Variants in HMGCLL1 observed in about 807,000 individuals in gnomAD.
HMGCLL1 encodes 3-hydroxymethyl-3-methylglutaryl-CoA lyase, cytoplasmic.
A neutral mutation model predicts 39.1 loss-of-function variants in HMGCLL1; 36 were observed. The observed-to-expected ratio is 0.92, with a 90% CI of 0.71 to 1.22. The LOEUF is 1.22. Ranked by LOEUF, HMGCLL1 falls within the 50% of genes most tolerant of loss-of-function variation. The pLI, the probability that HMGCLL1 is intolerant of heterozygous loss-of-function variation, is 0.00. For missense variants in HMGCLL1, 451 were observed against 416.5 expected, an observed-to-expected ratio of 1.08 and a Z score of -0.72; for synonymous variants, 149 against 144.0, an observed-to-expected ratio of 1.03 and a Z score of -0.25.
chr6:55,499,792 C>A (rs1303099021), intron 5 of HMGCLL1, among the ~76,000 whole-genome samples: 1 of 151,920 alleles, frequency 6.6e-6, no homozygotes. Context: ...CTGGGCATAG[C>A]CTCAGAGTTC....
intron 7 of HMGCLL1, among the ~76,000 whole-genome samples, chr6:55,479,058 A>G (rs1409193989): frequency 6.6e-6 from 1 of 151,550 alleles, no homozygotes; most frequent in Non-Finnish European, 1.5e-5. Context: ...AGTAGTTTTA[A>G]TCTTAAACAA....
At chr6:55,645,848 G>A in the HMGCLL1 span, among the ~76,000 whole-genome samples, 2 of 151,466 alleles carry the variant, frequency 1.3e-5, no homozygotes, top group African/African-American at 4.8e-5. Flanking sequence ...ATATTGGTTT[G>A]TAGTTTTTTT....
At chr6:55,521,086 C>T (rs548842933) in intron 3 of HMGCLL1, among the ~76,000 whole-genome samples, 18 of 152,052 alleles carry the variant, frequency 1.2e-4, no homozygotes, top group Non-Finnish European at 2.5e-4. Flanking sequence ...ATAGTTCACA[C>T]TATACACATT....
rs796789697 is a variant in HMGCLL1 at position 55,511,822 on chromosome 6, A to C, written c.542+2226T>G. Among the ~76,000 whole-genome samples, 10 of 152,264 alleles carry C rather than the reference A, an allele frequency of 6.6e-5. 1 individual carries two copies. Among genetic ancestry groups the C allele is most frequent in the African/African-American group, 2.4e-4 (10 of 41,584 alleles). ...ACTACACAAATAGCTGCTGAACTCT[A>C]ATACTGAAAGGCATATTTCTGAAAA... On this transcript the variant is annotated intron_variant, in intron 5 of 8. Coordinates refer to ENST00000274901, the MANE Select transcript of HMGCLL1 (RefSeq NM_001042406.2).
At chr6:55,451,564 CA>C (rs1157513790) in intron 7 of HMGCLL1, among the ~76,000 whole-genome samples, 2 of 118,524 alleles carry the variant, frequency 1.7e-5, no homozygotes, top group African/African-American at 6.6e-5. Context: ...AAAACAAAAA[CA>C]AAAACAAAAA....
At chr6:55,473,940 T>C (rs1236640241) in intron 7 of HMGCLL1, among the ~76,000 whole-genome samples, 1 of 151,552 alleles carries the variant, frequency 6.6e-6, no homozygotes, top group Non-Finnish European at 1.5e-5. Context: ...TACTTTCTAG[T>C]TGCTTTTGTG....
intron 1 of HMGCLL1, among the ~76,000 whole-genome samples, chr6:55,573,590 G>A (rs1404223099): frequency 6.6e-6 from 1 of 151,910 alleles, no homozygotes; most frequent in Non-Finnish European, 1.5e-5. Flanking sequence ...CAAAGCTGAA[G>A]AAGAAATTAC....
At chr6:55,676,888 GA>G in the HMGCLL1 span, among the ~76,000 whole-genome samples, 1 of 152,216 alleles carries the variant, frequency 6.6e-6, no homozygotes, top group African/African-American at 2.4e-5. Context: ...CGCATGCGGG[GA>G]AAAATACTTT....
At chr6:55,669,856 T>C in the HMGCLL1 span, among the ~76,000 whole-genome samples, 3 of 151,696 alleles carry the variant, frequency 2.0e-5, no homozygotes, top group Non-Finnish European at 4.4e-5. Flanking sequence ...CTCAAGGAAA[T>C]GTGGAGCAAC....
intron 4 of HMGCLL1, among the ~76,000 whole-genome samples, chr6:55,515,953 G>A (rs1027134224): frequency 2.6e-5 from 4 of 151,800 alleles, no homozygotes; most frequent in Non-Finnish European, 5.9e-5. Context: ...AAATTGAAGA[G>A]GATAGTCTCA....
chr6:55,638,143 G>A, the HMGCLL1 span, among the ~76,000 whole-genome samples: 12 of 151,964 alleles, frequency 7.9e-5, no homozygotes, highest in African/African-American at 2.4e-4. Context: ...ATAGCTGGGC[G>A]TGGTGTAATC....
chr6:55,567,655 A>G (rs1486865380), intron 1 of HMGCLL1, among the ~76,000 whole-genome samples: 1 of 152,218 alleles, frequency 6.6e-6, no homozygotes, highest in African/African-American at 2.4e-5. Context: ...ATCTAAATAA[A>G]CAGCAGAATG....
upstream of HMGCLL1, among the ~76,000 whole-genome samples, chr6:55,579,853 C>T (rs1771940686): frequency 6.6e-6 from 1 of 152,184 alleles, no homozygotes; most frequent in Non-Finnish European, 1.5e-5. Context: ...GAATTGGAGA[C>T]ATTTTTAGTG....
intron 7 of HMGCLL1, among the ~76,000 whole-genome samples, chr6:55,455,722 C>T (rs1561890783): frequency 1.3e-5 from 2 of 152,266 alleles, no homozygotes; most frequent in East Asian, 1.9e-4. Flanking sequence ...CCATTTAATG[C>T]TGCCCAAACA....
the HMGCLL1 span, among the ~76,000 whole-genome samples, chr6:55,650,076 T>TATATAC: frequency 0.019 from 1,825 of 97,050 alleles, 132 homozygotes; most frequent in African/African-American, 0.067. Flanking sequence ...TATATATATA[T>TATATAC]ACACACACAT....
intron 7 of HMGCLL1, among the ~76,000 whole-genome samples, chr6:55,478,315 C>T (rs1581833470): frequency 6.6e-6 from 1 of 151,238 alleles, no homozygotes; most frequent in East Asian, 1.9e-4. Context: ...CAAAGTTCTA[C>T]CGAAAATCAA....
chr6:55,643,509 T>C, the HMGCLL1 span, among the ~76,000 whole-genome samples: 6 of 152,138 alleles, frequency 3.9e-5, no homozygotes, highest in African/African-American at 9.6e-5. Context: ...TAAATTATTA[T>C]TGATTATAGT....
At chr6:55,594,441 G>A in the HMGCLL1 span, among the ~76,000 whole-genome samples, 1 of 152,148 alleles carries the variant, frequency 6.6e-6, no homozygotes, top group Non-Finnish European at 1.5e-5. Flanking sequence ...GGTGAGTTAA[G>A]TCAACCTTCA....
chr6:55,641,167 A>G, the HMGCLL1 span, among the ~76,000 whole-genome samples: 2 of 151,864 alleles, frequency 1.3e-5, no homozygotes, highest in Non-Finnish European at 2.9e-5. Flanking sequence ...AACAAAAACT[A>G]TGTATTTATA....
Sources: gnomAD v4.1 joint callset for allele counts (sites outside exome capture counted in the v4.1 genomes callset) on GRCh38, gnomAD v4.1.1 for gene constraint, MANE v1.5 for transcripts, NCBI Gene and HGNC (gene_info 2026-07-23, HGNC 2026-07-21) for gene names.